Variants in TRIM24 observed in about 807,000 individuals in gnomAD.
TRIM24 encodes transcription intermediary factor 1-alpha.
Under a neutral mutation model 123.9 loss-of-function variants are expected in TRIM24, and 29 were observed. That is an observed-to-expected ratio of 0.23 (90% CI 0.17 to 0.32). The LOEUF is 0.32. Ranked by LOEUF, TRIM24 falls within the 10% of genes least tolerant of loss-of-function variation. The pLI is 1.00. For synonymous variants in TRIM24, 456 were observed against 461.1 expected, an observed-to-expected ratio of 0.99 and a Z score of 0.14; for missense variants, 932 against 1,295.3, an observed-to-expected ratio of 0.72 and a Z score of 4.31.
chr7:138,478,590 C>A (rs778312923), intron 1 of TRIM24, among the ~76,000 whole-genome samples: 19 of 152,140 alleles, frequency 1.2e-4, no homozygotes, highest in Non-Finnish European at 2.1e-4. Flanking sequence ...GATCCTCCTA[C>A]CTTAGCCTCT....
intron 1 of TRIM24, among the ~76,000 whole-genome samples, chr7:138,478,197 G>C (rs1481295197): frequency 6.6e-6 from 1 of 151,838 alleles, no homozygotes; most frequent in African/African-American, 2.4e-5. Flanking sequence ...TTTTTGATGG[G>C]GTCTTACCTA....
chr7:138,479,827 A>T (rs1203620222), intron 1 of TRIM24, among the ~76,000 whole-genome samples: 1 of 142,212 alleles, frequency 7.0e-6, no homozygotes, highest in Non-Finnish European at 1.5e-5. Context: ...TTTTAATTTT[A>T]TTTTTTTTTG....
chr7:138,507,915 CAG>C (rs141494187), intron 2 of TRIM24, among the ~76,000 whole-genome samples: 3,210 of 150,504 alleles, frequency 0.021, 91 homozygotes, highest in African/African-American at 0.072. Context: ...GCCTGGGTGA[CAG>C]AGTGAGACCC....
chr7:138,536,457 C>T (rs781497919), intron 6 of TRIM24, among the ~76,000 whole-genome samples: 20 of 152,244 alleles, frequency 1.3e-4, no homozygotes, highest in Non-Finnish European at 2.8e-4. Context: ...AGCTGCAGGT[C>T]TGTTGGAGTT....
intron 3 of TRIM24, among the ~76,000 whole-genome samples, chr7:138,518,817 A>C (rs1366018835): frequency 6.6e-6 from 1 of 152,040 alleles, no homozygotes; most frequent in East Asian, 1.9e-4. Context: ...TCCAAATTGC[A>C]TTTTCAAAAA....
chr7:138,569,656 G>T (rs990227119), intron 10 of TRIM24, among the ~76,000 whole-genome samples: 1 of 152,178 alleles, frequency 6.6e-6, no homozygotes, highest in Non-Finnish European at 1.5e-5. Flanking sequence ...AGGTGGTAAA[G>T]AAGACATTCA....
intron 1 of TRIM24, among the ~76,000 whole-genome samples, chr7:138,467,967 T>C (rs1320870763): frequency 2.6e-5 from 4 of 152,290 alleles, no homozygotes; most frequent in Admixed American, 2.6e-4. Context: ...CTTTACTTCT[T>C]GCTTTCTATT....
At chr7:138,537,023 GT>G (rs1796892291) in intron 6 of TRIM24, among the ~76,000 whole-genome samples, 1 of 152,214 alleles carries the variant, frequency 6.6e-6, no homozygotes, top group African/African-American at 2.4e-5. Flanking sequence ...ACAGACGTGG[GT>G]TATAATCTCC....
chr7:138,502,577 A>G (rs1225323358), intron 1 of TRIM24, among the ~76,000 whole-genome samples: 2 of 152,202 alleles, frequency 1.3e-5, no homozygotes, highest in South Asian at 2.1e-4. Context: ...ATTAGTGGTT[A>G]TGTGACCACG....
At chr7:138,579,612 T>A in intron 15 of TRIM24, 80 bp downstream of exon 15, 1 of 1,233,924 alleles carries the variant, frequency 8.1e-7, no homozygotes, top group South Asian at 1.5e-5. Context: ...TTGAAAAAAC[T>A]TAAATGAAAT....
At chr7:138,538,588 C>T (rs1473752139) in intron 6 of TRIM24, 69 bp from the exon 7 acceptor site, 2 of 1,499,022 alleles carry the variant, frequency 1.3e-6, no homozygotes, top group African/African-American at 2.8e-5. Flanking sequence ...AATTTGTTTA[C>T]CTGGAAATGA....
At position 138,585,004 on chromosome 7, in the gene TRIM24, A is replaced by C; in HGVS notation, c.*53A>C. On this transcript the variant is annotated 3_prime_UTR_variant, in exon 19 of 19. Coordinates refer to ENST00000343526, the MANE Select transcript of TRIM24 (RefSeq NM_015905.3). ...TTTTAGATTTTTTTGTTTTCAAAAA[A>C]ACATTTGTCAGTAATTTAACATCAC... 1 of 1,473,206 alleles carries C rather than the reference A, an allele frequency of 6.8e-7. No homozygotes were observed. Among genetic ancestry groups the C allele is most frequent in the Non-Finnish European group, 9.2e-7 (1 of 1,085,066 alleles). The allele number at this position is 1,473,206 out of a possible 1,614,324, so 91.3% of individuals were successfully genotyped here.
intron 1 of TRIM24, among the ~76,000 whole-genome samples, chr7:138,499,204 C>T (rs1795977852): frequency 6.6e-6 from 1 of 152,048 alleles, no homozygotes; most frequent in Non-Finnish European, 1.5e-5. Context: ...CATGTTCTCA[C>T]TTTATCTCTT....
rs1798050319 is a variant in TRIM24 at position 138,588,202 on chromosome 7, T to C, written c.*3251T>C. On this transcript the variant is annotated 3_prime_UTR_variant, in exon 19 of 19. Coordinates refer to ENST00000343526, the MANE Select transcript of TRIM24 (RefSeq NM_015905.3). ...CAATATGCTATGCTGTTACTGTGCT[T>C]AGACACTTCCTTACGTTTGAGTTCC... 6.6e-6 allele frequency: 1 copy of C among 152,214 alleles called. No individual in the cohort carries two copies. The highest frequency in any genetic ancestry group is 2.4e-5 in the African/African-American group (1 of 41,470). The allele number at this position is 152,214 out of a possible 1,614,324, so 9.4% of individuals were successfully genotyped here. A position where few individuals can be genotyped will look rare whatever the true frequency, so the allele number is the denominator to read the frequency against.
intron 1 of TRIM24, among the ~76,000 whole-genome samples, chr7:138,476,392 A>G (rs1447470899): frequency 6.6e-6 from 1 of 151,998 alleles, no homozygotes; most frequent in Non-Finnish European, 1.5e-5. Flanking sequence ...CAGGAGTCCG[A>G]GACCAGCCTG....
intron 1 of TRIM24, chr7:138,491,048 G>A (rs750570224): frequency 7.6e-6 from 2 of 263,278 alleles, no homozygotes; most frequent in Non-Finnish European, 1.5e-5. Flanking sequence ...AACACATTTT[G>A]TCCTGGAGTA....
chr7:138,512,602 G>C (rs1211436777), intron 2 of TRIM24, among the ~76,000 whole-genome samples: 1 of 152,140 alleles, frequency 6.6e-6, no homozygotes, highest in African/African-American at 2.4e-5. Flanking sequence ...GCAGTGGCCT[G>C]AGCTGTATTT....
chr7:138,575,459 A>AT (rs34375724), intron 12 of TRIM24, among the ~76,000 whole-genome samples: 15,657 of 127,200 alleles, frequency 0.12, 1,074 homozygotes, highest in Non-Finnish European at 0.16. Context: ...GGCCTGGCTA[A>AT]TTTTTTTTTT....
At chr7:138,472,334 G>A (rs749546) in intron 1 of TRIM24, among the ~76,000 whole-genome samples, 41,024 of 151,858 alleles carry the variant, frequency 0.27, 6,249 homozygotes, top group East Asian at 0.5. Context: ...AAAGCAGAAA[G>A]GCATTGATCT....
Sources: gnomAD v4.1 joint callset for allele counts (sites outside exome capture counted in the v4.1 genomes callset) on GRCh38, gnomAD v4.1.1 for gene constraint, MANE v1.5 for transcripts, NCBI Gene and HGNC (gene_info 2026-07-23, HGNC 2026-07-21) for gene names.